The following PIKFYVE variants were observed in gnomAD, a reference collection of about 807,000 sequenced individuals.
PIKFYVE encodes phosphoinositide kinase, FYVE-type zinc finger containing.
In PIKFYVE, 122 loss-of-function variants were observed where a neutral mutation model predicts 257.9. That is an observed-to-expected ratio of 0.47 (90% CI 0.41 to 0.55). The LOEUF (loss-of-function observed/expected upper bound fraction) is 0.55, where lower values mean the gene tolerates loss of function less well. PIKFYVE is among the 20% of genes least tolerant of loss of function. The pLI is 0.00. For missense variants in PIKFYVE, 2,160 were observed against 2,536.6 expected (o/e 0.85, Z 3.19); for synonymous variants, 892 against 868.9 (o/e 1.03, Z -0.47).
intron 6 of PIKFYVE, 127 bp from the exon 7 acceptor site, chr2:208,288,602 C>CA (rs1160707479): frequency 7.0e-7 from 1 of 1,419,974 alleles, no homozygotes; most frequent in Non-Finnish European, 9.4e-7. Flanking sequence ...AAAGGAAGAA[C>CA]AAAAATGACA....
intron 34 of PIKFYVE, among the ~76,000 whole-genome samples, chr2:208,347,470 T>C (rs1477038966): frequency 6.6e-6 from 1 of 152,230 alleles, no homozygotes; most frequent in African/African-American, 2.4e-5. Context: ...TGTGTTCATT[T>C]AGTTAACTAT....
intron 38 of PIKFYVE, 132 bp from the exon 39 acceptor site, chr2:208,352,522 G>A: frequency 9.8e-7 from 1 of 1,024,594 alleles, no homozygotes; most frequent in African/African-American, 1.6e-5. Flanking sequence ...AAGAGTTTGA[G>A]TTTTTTTCAA....
At chr2:208,347,618 T>C (rs1699349795) in intron 34 of PIKFYVE, among the ~76,000 whole-genome samples, 1 of 152,202 alleles carries the variant, frequency 6.6e-6, no homozygotes, top group Non-Finnish European at 1.5e-5. Flanking sequence ...TAACCTTCTA[T>C]CTTTTTTTAT....
At chr2:208,288,925 G>C in intron 7 of PIKFYVE, 107 bp downstream of exon 7, 1 of 1,363,462 alleles carries the variant, frequency 7.3e-7, no homozygotes, top group Non-Finnish European at 1.0e-6. Context: ...ATATACTTCC[G>C]TAGCTCTAAA....
chr2:208,266,684 C>T (rs1189703038), intron 1 of PIKFYVE, among the ~76,000 whole-genome samples: 1 of 152,184 alleles, frequency 6.6e-6, no homozygotes, highest in African/African-American at 2.4e-5. Flanking sequence ...ATTTGAAGTT[C>T]CTTTGCCTCT....
Position 208,298,753 on chromosome 2 carries a change from A to G in PIKFYVE, c.1024A>G (p.Thr342Ala). 1 of 1,614,154 alleles carries G rather than the reference A, an allele frequency of 6.2e-7. No homozygotes were observed. Among genetic ancestry groups the G allele is most frequent in the East Asian group, 2.2e-5 (1 of 44,878 alleles). ...CCGAACATATGTTAGGACAGAGACC[A>G]CTGAGGATGAACGCAAAATTCTTCT... ...ANRTYVRTET[T>A]EDERKILLDS... Residue 342 changes from threonine (T) to alanine (A), a missense_variant, in exon 8 of 42, where the codon ACT becomes GCT. Physicochemically the swap from Thr to Ala is moderately conservative, Grantham distance 58. Around this residue, in one of 12 missense-constraint regions of PIKFYVE, gnomAD observed 187 missense variants for 185.6 expected, o/e 1.01. Transcript: ENST00000264380.
At position 208,323,363 on chromosome 2, in the gene PIKFYVE, T is replaced by C. The variant is rs1314631863; in HGVS notation, c.2191-779T>C. On this transcript the variant is annotated intron_variant, in intron 17 of 41. Coordinates refer to ENST00000264380, the MANE Select transcript of PIKFYVE (RefSeq NM_015040.4). ...TGTATGAGTGAGAACATGTGGTGTT[T>C]GGTTTTTTGTCCTTGCGATAGTTTA... Among the ~76,000 whole-genome samples, 3 of 148,348 alleles carry C rather than the reference T, an allele frequency of 2.0e-5. No homozygotes were observed. The Admixed American group carries it at 2.0e-4, about 10-fold the overall frequency.
intron 23 of PIKFYVE, among the ~76,000 whole-genome samples, chr2:208,332,549 A>G (rs77208147): frequency 0.03 from 4,544 of 152,236 alleles, 219 homozygotes; most frequent in African/African-American, 0.089. Context: ...AGTGTGGAAA[A>G]ACTTGTAATG....
intron 6 of PIKFYVE, 85 bp downstream of exon 6, chr2:208,286,018 C>G: frequency 7.7e-7 from 1 of 1,302,728 alleles, no homozygotes; most frequent in African/African-American, 1.5e-5. Flanking sequence ...TTAACACTTA[C>G]CCTCTTAGAA....
chr2:208,288,639 G>C, intron 6 of PIKFYVE, 90 bp from the exon 7 acceptor site: 1 of 1,555,226 alleles, frequency 6.4e-7, no homozygotes, highest in Non-Finnish European at 8.7e-7. Context: ...CAAGGAAAAA[G>C]ATTAAATCTG....
chr2:208,277,568 A>G lies in PIKFYVE; in HGVS notation c.473A>G (p.Asp158Gly). The change falls in exon 5 of 42, where the codon GAT becomes GGT. Residue 158 changes from aspartate to glycine, a missense_variant. Asp to Gly is a moderately conservative substitution (Grantham distance 94). This residue lies in a region of PIKFYVE where 28 missense variants were observed against 68.2 expected (regional missense o/e 0.41). Transcript: ENST00000264380. ...DSDLKQYWMP[D>G]SQCKECYDCS... ...GACCTGAAACAATACTGGATGCCAG[A>G]TAGCCAATGTAAAGAGTGCTATGAC... 2 of 1,613,916 alleles carry G rather than the reference A, an allele frequency of 1.2e-6. No individual in the cohort carries two copies. The highest frequency in any genetic ancestry group is 1.7e-6 in the Non-Finnish European group (2 of 1,179,784).
chr2:208,311,756 T>G (rs531763613), intron 12 of PIKFYVE, among the ~76,000 whole-genome samples: 1 of 152,194 alleles, frequency 6.6e-6, no homozygotes, highest in Admixed American at 6.5e-5. Flanking sequence ...CTGTATTAAT[T>G]TGTTTTATAG....
intron 15 of PIKFYVE, 87 bp downstream of exon 15, chr2:208,315,460 G>A (rs1031650662): frequency 5.6e-5 from 84 of 1,491,286 alleles, no homozygotes; most frequent in Admixed American, 1.4e-4. Context: ...TCTGAAAAGA[G>A]TCATTACCCT....
chr2:208,351,506 C>T (rs1173104492), intron 38 of PIKFYVE, 51 bp downstream of exon 38: 3 of 1,341,146 alleles, frequency 2.2e-6, no homozygotes, highest in East Asian at 4.6e-5. Flanking sequence ...GCTTTTTTCA[C>T]ATCCTGAATC....
intron 1 of PIKFYVE, chr2:208,269,507 G>T: frequency 3.8e-6 from 1 of 261,880 alleles, no homozygotes. Flanking sequence ...ACTAACACAT[G>T]AAGCCCCTCC....
At chr2:208,338,678 C>G in intron 29 of PIKFYVE, 110 bp downstream of exon 29, 1 of 994,582 alleles carries the variant, frequency 1.0e-6, no homozygotes, top group Non-Finnish European at 1.6e-6. Context: ...TGTTCATAGA[C>G]TTCTTTTCCT....
intron 38 of PIKFYVE, among the ~76,000 whole-genome samples, chr2:208,352,350 G>GTT (rs10717573): frequency 6.7e-6 from 1 of 148,732 alleles, no homozygotes; most frequent in Non-Finnish European, 1.5e-5. Context: ...ATAGTTTTGG[G>GTT]TTTTTTTTTT....
At chr2:208,315,877 T>C (rs944677619) in intron 15 of PIKFYVE, among the ~76,000 whole-genome samples, 1 of 151,998 alleles carries the variant, frequency 6.6e-6, no homozygotes, top group Non-Finnish European at 1.5e-5. Context: ...CTTTCTTTTT[T>C]TTTAATTATT....
intron 23 of PIKFYVE, 128 bp downstream of exon 23, chr2:208,330,822 TG>T: frequency 2.1e-6 from 2 of 971,582 alleles, no homozygotes; most frequent in Non-Finnish European, 3.0e-6. Flanking sequence ...TATTTGTCAT[TG>T]TTATTTTACC....
Sources: gnomAD v4.1 joint callset for allele counts (sites outside exome capture counted in the v4.1 genomes callset) on GRCh38, gnomAD v4.1.1 for gene constraint, gnomAD v4.1.1 regional missense constraint, MANE v1.5 for transcripts, NCBI Gene and HGNC (gene_info 2026-07-23, HGNC 2026-07-21) for gene names.